The following USP6 variants were observed in gnomAD, a reference collection of about 807,000 sequenced individuals.
The protein encoded by USP6 is ubiquitin specific peptidase 6, also known as ubiquitin carboxyl-terminal hydrolase 6.
In USP6, 128 loss-of-function variants were observed where a neutral mutation model predicts 175.7. That is an observed-to-expected ratio of 0.73 (90% CI 0.63 to 0.84). The LOEUF (loss-of-function observed/expected upper bound fraction) is 0.84. Ranked by LOEUF, USP6 falls within the 40% of genes least tolerant of loss-of-function variation. USP6 has a pLI of 0.00. For missense variants in USP6, 1,498 were observed against 1,760.3 expected (o/e 0.85, Z 2.67); for synonymous variants, 562 against 630.6 (o/e 0.89, Z 1.63).
chr17:5,132,241 C>T lies in USP6; in HGVS notation c.156-155C>T, dbSNP rs2073093164. On this transcript the variant is annotated intron_variant, in intron 11 of 37. Coordinates refer to ENST00000574788, the MANE Select transcript of USP6 (RefSeq NM_001304284.2). This position sits in a 1 kb window ranked among gnomAD's most constrained non-coding sequence, Gnocchi z 4.7. ...CTGCCCCTCCTGGGAGTCAGAGCCACAGGAAGGCCCTTGTCCTCCCTTCCC... is the reference window on the plus strand; with the variant it reads ...CTGCCCCTCCTGGGAGTCAGAGCCATAGGAAGGCCCTTGTCCTCCCTTCCC... The T allele has an allele frequency of 7.5e-6, 12 of 1,590,452 alleles. No individual in the cohort carries two copies. In the East Asian group the frequency reaches 2.5e-4, roughly 33 times the overall value.
At chr17:5,136,490 C>T (rs2073257466) in intron 17 of USP6, 150 bp from the exon 18 acceptor site, 2 of 1,089,510 alleles carry the variant, frequency 1.8e-6, no homozygotes, top group Non-Finnish European at 1.3e-6. Flanking sequence ...TCCCACCTCC[C>T]CAGGGCAAAG....
chr17:5,118,481 A>G (rs1164246929), intron 2 of USP6, among the ~76,000 whole-genome samples, 191 bp downstream of exon 2: 1 of 152,260 alleles, frequency 6.6e-6, no homozygotes, highest in Non-Finnish European at 1.5e-5. Context: ...TGTGATCCCA[A>G]ATCCCCAGAG....
At chr17:5,127,437 C>CA (rs1441855845) in intron 6 of USP6, 67 bp from the exon 7 acceptor site, 2 of 152,244 alleles carry the variant, frequency 1.3e-5, no homozygotes, top group African/African-American at 4.8e-5. Context: ...CATACTGGTG[C>CA]AACTTCTTCC....
chr17:5,143,769 A>T (rs1350593001), intron 25 of USP6, among the ~76,000 whole-genome samples: 1 of 151,250 alleles, frequency 6.6e-6, no homozygotes, highest in Admixed American at 6.6e-5. Context: ...AAAAAAAAAA[A>T]TTTGGTAGGC....
At chr17:5,172,399 C>CGG (rs2074244939) in intron 37 of USP6, among the ~76,000 whole-genome samples, 2 of 151,772 alleles carry the variant, frequency 1.3e-5, no homozygotes, top group South Asian at 2.1e-4. Flanking sequence ...GATGTGGTGG[C>CGG]ACATGCCTGT....
intron 5 of USP6, among the ~76,000 whole-genome samples, 155 bp from the exon 6 acceptor site, chr17:5,125,666 A>ACG (rs2072865042): frequency 7.4e-6 from 1 of 134,692 alleles, no homozygotes; most frequent in East Asian, 2.2e-4. Context: ...AAACACGCAC[A>ACG]CACACGCACA....
At chr17:5,169,515 C>T (rs1311545669) in intron 35 of USP6, among the ~76,000 whole-genome samples, 3 of 152,140 alleles carry the variant, frequency 2.0e-5, no homozygotes, top group East Asian at 1.9e-4. Context: ...GATCACAGCT[C>T]ACTGCAGCCT....
chr17:5,130,000 C>G lies in USP6; in HGVS notation c.-91C>G, dbSNP rs948966354. ...CCGATCGTACAGAGACCTCTGGTGC[C>G]TGACCGCAGTTCACATCCACATCCC... On this transcript the variant is annotated 5_prime_UTR_variant, in exon 9 of 38. Transcript: ENST00000574788. The G allele has an allele frequency of 1.0e-5, 3 of 288,994 alleles. No homozygotes were observed. Among genetic ancestry groups the G allele is most frequent in the African/African-American group, 6.5e-5 (3 of 46,260 alleles). The allele number at this position is 288,994 out of a possible 1,614,324, so 17.9% of individuals were successfully genotyped here.
In USP6 at chr17:5,174,037, A is replaced by G. The variant is rs16963934; in HGVS notation, c.*1059A>G. 3 of 211,708 alleles carry G rather than the reference A, an allele frequency of 1.4e-5. No homozygotes were observed. Among genetic ancestry groups the G allele is most frequent in the Non-Finnish European group, 9.6e-6 (1 of 104,064 alleles). The allele number at this position is 211,708 out of a possible 1,614,324, so 13.1% of individuals were successfully genotyped here. A position where few individuals can be genotyped will look rare whatever the true frequency, so the allele number is the denominator to read the frequency against. The stretch of plus-strand genomic sequence containing the variant: ...TCCCAGACATTAGGAGTTCATAAGT[A>G]TATTTAATGAAATTGGTGGTTTTAG... On this transcript the variant is annotated 3_prime_UTR_variant, in exon 38 of 38. Transcript: ENST00000574788.
chr17:5,133,463 G>C lies in USP6; in HGVS notation c.297G>C (p.Lys99Asn), dbSNP rs1439658137. The C allele has an allele frequency of 6.2e-7, 1 of 1,611,688 alleles. No individual in the cohort carries two copies. The highest frequency in any genetic ancestry group is 2.3e-4 in the Middle Eastern group (1 of 4,424). ...HSSKLIDRVY[K>N]GIPMNIRGPV... is the part of the protein sequence containing the mutation. The stretch of plus-strand genomic sequence containing the variant: ...CACAGCTCATAGATCGAGTGTACAA[G>C]GGAATTCCCATGAACATCCGGGGCC... The change falls in exon 14 of 38, where the codon AAG becomes AAC. Residue 99 changes from lysine to asparagine, a missense_variant. Coordinates refer to ENST00000574788, the MANE Select transcript of USP6 (RefSeq NM_001304284.2).
chr17:5,171,515 A>C, intron 36 of USP6, 72 bp from the exon 37 acceptor site: 2 of 1,414,906 alleles, frequency 1.4e-6, no homozygotes, highest in Non-Finnish European at 2.0e-6. Flanking sequence ...TCTCCTGCTC[A>C]GATCTTAGTG....
At chr17:5,154,240 G>T (rs2073834652) in intron 30 of USP6, among the ~76,000 whole-genome samples, 1 of 152,176 alleles carries the variant, frequency 6.6e-6, no homozygotes, top group South Asian at 2.1e-4. Flanking sequence ...GAATAAAGAA[G>T]GGTCTTTTTA....
intron 4 of USP6, among the ~76,000 whole-genome samples, chr17:5,123,829 A>G (rs1317113446): frequency 6.6e-6 from 1 of 151,982 alleles, no homozygotes; most frequent in African/African-American, 2.4e-5. Context: ...AAACATGCAC[A>G]CATACAGAGT....
At position 5,141,432 on chromosome 17, in the gene USP6, C is replaced by A. The variant is rs1567791873; in HGVS notation, c.1506C>A (p.Asn502Lys). Reference protein sequence around the residue: ...WQAEHCGEVHNKDMSWPEEMS... With the variant: ...WQAEHCGEVHKKDMSWPEEMS... ...TCCTATCTGTCCTTCCAGTTCACAA[C>A]AAAGATATGAGTTGGCCTGAGGAGA... Residue 502 changes from asparagine to lysine, a missense_variant, in exon 23 of 38, where the codon AAC becomes AAA. Physicochemically the swap from Asn to Lys is moderately conservative, Grantham distance 94. Around this residue, in one of 2 missense-constraint regions of USP6, gnomAD observed 1,217 missense variants for 1,500.8 expected, o/e 0.81. Coordinates refer to ENST00000574788, the MANE Select transcript of USP6 (RefSeq NM_001304284.2). 2 of 1,606,034 alleles carry A rather than the reference C, an allele frequency of 1.2e-6. No homozygotes were observed. Among genetic ancestry groups the A allele is most frequent in the Admixed American group, 1.7e-5 (1 of 58,696 alleles).
intron 34 of USP6, 44 bp downstream of exon 34, chr17:5,168,167 A>G: frequency 6.6e-7 from 1 of 1,519,500 alleles, no homozygotes; most frequent in South Asian, 1.3e-5. Flanking sequence ...ATCTAGCATA[A>G]AAGAAAGAAG....
At position 5,169,038 on chromosome 17, in the gene USP6, T is replaced by A. The variant is rs3816913; in HGVS notation, c.3500T>A (p.Ile1167Asn). The stretch of plus-strand genomic sequence containing the variant: ...AGCCCATCCTCACTCAGCGCTAACA[T>A]CAGCAGCAGCCCAAAAGGTGAGGCC... ...SKSPSSLSAN[I>N]SSSPKGSPSS... Residue 1167 changes from isoleucine to asparagine, a missense_variant, in exon 35 of 38, where the codon ATC becomes AAC. By Grantham distance (149) the Ile-to-Asn change is moderately radical. Coordinates refer to ENST00000574788, the MANE Select transcript of USP6 (RefSeq NM_001304284.2). 1.9e-6 allele frequency: 3 copies of A among 1,607,402 alleles called. No individual in the cohort carries two copies. In the African/African-American group the frequency reaches 4.0e-5, roughly 22 times the overall value.
Position 5,135,935 on chromosome 17 carries a change from G to A in USP6, c.664+7G>A. On this transcript the variant is annotated splice_region_variant and intron_variant, in intron 17 of 37. Coordinates refer to ENST00000574788, the MANE Select transcript of USP6 (RefSeq NM_001304284.2). ...GAGAGGCACTCCCTGCCAGGTAGGT[G>A]AACAGCTGCCCGTGGGGCCTCACGC... The A allele has an allele frequency of 6.3e-7, 1 of 1,597,998 alleles. No homozygotes were observed. Among genetic ancestry groups the A allele is most frequent in the South Asian group, 1.1e-5 (1 of 90,994 alleles).
chr17:5,145,422 A>G lies in USP6; in HGVS notation c.2010A>G (p.Leu670=), dbSNP rs1367130360. 6.2e-7 allele frequency: 1 copy of G among 1,607,852 alleles called. No homozygotes were observed. The highest frequency in any genetic ancestry group is 8.5e-7 in the Non-Finnish European group (1 of 1,177,828). The change falls in exon 27 of 38, where the codon CTA becomes CTG. Residue 670 remains leucine (L), a synonymous_variant. Transcript: ENST00000574788. ...ATTGCTAGGCCTGGGACAACCATCT[A>G]AGAAGAAATAGATCAATTATTGTGG... is the stretch of plus-strand genomic sequence containing the variant. ...EVAAEAWDNH[L]RRNRSIIVDL...
chr17:5,168,265 T>A (rs1344474565), intron 34 of USP6, 142 bp downstream of exon 34: 2 of 1,046,732 alleles, frequency 1.9e-6, no homozygotes, highest in Non-Finnish European at 2.7e-6. Context: ...AAGGTTTTTA[T>A]GTTGAATACA....
Sources: allele counts gnomAD v4.1 joint callset (sites outside exome capture counted in the v4.1 genomes callset), GRCh38; gene constraint gnomAD v4.1.1; regional missense constraint gnomAD v4.1.1; non-coding constraint Gnocchi (gnomAD v3.1); transcripts MANE v1.5; gene names NCBI Gene and HGNC (gene_info 2026-07-23, HGNC 2026-07-21).